Variants in MGMT observed in about 807,000 individuals in gnomAD.
MGMT encodes O-6-methylguanine-DNA methyltransferase.
A neutral mutation model predicts 15.9 loss-of-function variants in MGMT; 14 were observed. The ratio of observed to expected loss-of-function variants is 0.88; its 90% CI spans 0.58 to 1.37. The LOEUF (loss-of-function observed/expected upper bound fraction) is 1.37. Among genes scored for constraint, MGMT ranks in the 40% most tolerant of loss-of-function variants. The probability of loss-of-function intolerance (pLI) is 0.00; values close to 1 mark genes in which losing one functional copy is unlikely to be tolerated. For missense variants in MGMT, 282 were observed against 268.1 expected, an observed-to-expected ratio of 1.05 and a Z score of -0.36; for synonymous variants, 130 against 118.2, an observed-to-expected ratio of 1.10 and a Z score of -0.65.
chr10:129,512,493 T>C (rs539761118), intron 1 of MGMT, among the ~76,000 whole-genome samples: 2 of 152,170 alleles, frequency 1.3e-5, no homozygotes, highest in East Asian at 3.9e-4. Flanking sequence ...TCTGGAAGGG[T>C]CGTTCTCATG....
intron 2 of MGMT, among the ~76,000 whole-genome samples, chr10:129,633,423 C>T (rs1483910779): frequency 6.6e-6 from 1 of 152,046 alleles, no homozygotes; most frequent in African/African-American, 2.4e-5. Context: ...TACAACTGTG[C>T]CATGTGAGAA....
In MGMT at chr10:129,533,792, A is replaced by G. The variant is rs571128449; in HGVS notation, c.-12-2449A>G. On this transcript the variant is annotated intron_variant, in intron 1 of 4. Coordinates refer to ENST00000651593, the MANE Select transcript of MGMT (RefSeq NM_002412.5). The surrounding 1 kb of genome is among the most constrained non-coding windows in gnomAD (Gnocchi z 4.5). ...CCTGCCTGAGAAGCAGTGGCCCGGG[A>G]TGGTGGGAGATGTCTGCAGGCGCAG... Among the ~76,000 whole-genome samples, 11 of 152,134 alleles carry G rather than the reference A, an allele frequency of 7.2e-5. No homozygotes were observed. Among genetic ancestry groups the G allele is most frequent in the African/African-American group, 2.6e-4 (11 of 41,512 alleles).
Position 129,770,613 on chromosome 10 carries a change from A to G in MGMT, c.*3616A>G, listed in dbSNP as rs888810791. On this transcript the variant is annotated 3_prime_UTR_variant, in exon 5 of 5. Transcript: ENST00000651593. Reference sequence around the variant, plus strand: ...ACACTGAGCTAATGTGAGATTGTTCATGAAGCTACAGATCTTAGTGCTACT... The same window carrying G: ...ACACTGAGCTAATGTGAGATTGTTCGTGAAGCTACAGATCTTAGTGCTACT... Among the ~76,000 whole-genome samples, 1 of 152,266 alleles carries G rather than the reference A, an allele frequency of 6.6e-6. No individual in the cohort carries two copies.
At chr10:129,725,529 T>C (rs1330739248) in intron 3 of MGMT, among the ~76,000 whole-genome samples, 1 of 152,256 alleles carries the variant, frequency 6.6e-6, no homozygotes, top group African/African-American at 2.4e-5. Context: ...TGAAACATCA[T>C]TGTGTCAACT....
chr10:129,752,383 C>A (rs1589976186), intron 3 of MGMT, among the ~76,000 whole-genome samples: 1 of 151,840 alleles, frequency 6.6e-6, no homozygotes, highest in Non-Finnish European at 1.5e-5. Flanking sequence ...GAAGTGAATT[C>A]TTTATGACGG....
intron 2 of MGMT, among the ~76,000 whole-genome samples, chr10:129,571,760 C>CGT (rs1564856188): frequency 6.6e-6 from 1 of 151,996 alleles, no homozygotes; most frequent in Non-Finnish European, 1.5e-5. Flanking sequence ...TTAGAACCGC[C>CGT]GTGTGTTTTA....
At chr10:129,501,610 A>G (rs1393903337) in intron 1 of MGMT, among the ~76,000 whole-genome samples, 2 of 152,078 alleles carry the variant, frequency 1.3e-5, no homozygotes, top group Non-Finnish European at 1.5e-5. Context: ...TTTGGTTTTC[A>G]TGTTTCTGTT....
chr10:129,558,052 C>T (rs1334172789), intron 2 of MGMT, among the ~76,000 whole-genome samples: 2 of 152,192 alleles, frequency 1.3e-5, no homozygotes, highest in African/African-American at 4.8e-5. Flanking sequence ...TTTACCTTGG[C>T]CCCCGTAACA....
intron 3 of MGMT, among the ~76,000 whole-genome samples, chr10:129,729,382 T>C (rs1290091995): frequency 6.6e-6 from 1 of 152,170 alleles, no homozygotes; most frequent in Non-Finnish European, 1.5e-5. Flanking sequence ...TGCAAGCACC[T>C]TGGCCTCCCT....
chr10:129,716,153 A>G (rs192502502), intron 3 of MGMT, among the ~76,000 whole-genome samples: 12 of 152,324 alleles, frequency 7.9e-5, no homozygotes, highest in South Asian at 6.2e-4. Flanking sequence ...AGGAAAAGAA[A>G]GTCCTTTTTT....
At chr10:129,662,427 T>G (rs1847608078) in intron 2 of MGMT, among the ~76,000 whole-genome samples, 1 of 152,126 alleles carries the variant, frequency 6.6e-6, no homozygotes. Flanking sequence ...GACAAGTTGG[T>G]CACCCTAGAT....
intron 2 of MGMT, among the ~76,000 whole-genome samples, chr10:129,671,188 A>AT (rs1847718421): frequency 6.6e-6 from 1 of 152,228 alleles, no homozygotes; most frequent in Non-Finnish European, 1.5e-5. Flanking sequence ...TTGGAAAGAG[A>AT]ACACACATTC....
intron 3 of MGMT, among the ~76,000 whole-genome samples, chr10:129,720,598 AGC>A (rs1482908441): frequency 6.6e-6 from 1 of 152,244 alleles, no homozygotes. Flanking sequence ...AGGGGCAAAG[AGC>A]ACACAGCTAA....
At chr10:129,713,131 A>G (rs1324300078) in intron 3 of MGMT, among the ~76,000 whole-genome samples, 1 of 152,118 alleles carries the variant, frequency 6.6e-6, no homozygotes, top group African/African-American at 2.4e-5. Flanking sequence ...TACCAATTGA[A>G]AGAGAAGAGA....
chr10:129,506,530 T>C (rs1845627213), intron 1 of MGMT, among the ~76,000 whole-genome samples: 1 of 152,158 alleles, frequency 6.6e-6, no homozygotes, highest in Non-Finnish European at 1.5e-5. Context: ...CTCCAGATTG[T>C]TCTCCAGGCA....
At chr10:129,646,754 A>ATATATATATTTTTTTTTTTTT in intron 2 of MGMT, among the ~76,000 whole-genome samples, 53 of 86,600 alleles carry the variant, frequency 6.1e-4, no homozygotes, top group African/African-American at 1.8e-3. Flanking sequence ...ATATATATAT[A>ATATATATATTTTTTTTTTTTT]TTTTCAGGGA....
intron 2 of MGMT, among the ~76,000 whole-genome samples, chr10:129,650,038 A>G (rs2133096730): frequency 6.6e-6 from 1 of 152,298 alleles, no homozygotes; most frequent in Non-Finnish European, 1.5e-5. Context: ...CTTGAGAAAT[A>G]TTTTTGATAT....
intron 2 of MGMT, among the ~76,000 whole-genome samples, chr10:129,677,756 C>T (rs2133117521): frequency 6.6e-6 from 1 of 152,298 alleles, no homozygotes; most frequent in South Asian, 2.1e-4. Flanking sequence ...AAGCCCTGAG[C>T]AGGTGAAGGG....
At chr10:129,744,112 A>G (rs950534142) in intron 3 of MGMT, among the ~76,000 whole-genome samples, 1 of 152,210 alleles carries the variant, frequency 6.6e-6, no homozygotes, top group East Asian at 1.9e-4. Flanking sequence ...AAGACATTCC[A>G]AAAACCAGGC....
Sources: gnomAD v4.1 joint callset for allele counts (sites outside exome capture counted in the v4.1 genomes callset) on GRCh38, gnomAD v4.1.1 for gene constraint, Gnocchi (gnomAD v3.1) non-coding constraint, MANE v1.5 for transcripts, NCBI Gene and HGNC (gene_info 2026-07-23, HGNC 2026-07-21) for gene names.